Variants in TRIOBP observed in about 807,000 individuals in gnomAD.
TRIOBP encodes the protein TRIO and F-actin-binding protein.
Under a neutral mutation model 238.8 loss-of-function variants are expected in TRIOBP, and 169 were observed. That is an observed-to-expected ratio of 0.71 (90% CI 0.62 to 0.80). TRIOBP has a LOEUF of 0.80. Ranked by LOEUF, TRIOBP falls within the 30% of genes least tolerant of loss-of-function variation. The probability of loss-of-function intolerance (pLI) is 0.00; values close to 1 mark genes in which losing one functional copy is unlikely to be tolerated. For synonymous variants in TRIOBP, 1,150 were observed against 1,274.4 expected (o/e 0.90, Z 2.08); for missense variants, 2,838 against 3,122.6 (o/e 0.91, Z 2.17).
intron 17 of TRIOBP, 48 bp downstream of exon 17, chr22:37,759,312 T>A: frequency 6.4e-7 from 1 of 1,560,012 alleles, no homozygotes; most frequent in East Asian, 2.2e-5. Flanking sequence ...GATTTCTGCT[T>A]GCCGTGTTAT....
At position 37,723,228 on chromosome 22, in the gene TRIOBP, G is replaced by A; in HGVS notation, c.672G>A (p.Arg224=). The A allele has an allele frequency of 6.2e-7, 1 of 1,613,952 alleles. No homozygotes were observed. The highest frequency in any genetic ancestry group is 1.7e-4 in the Middle Eastern group (1 of 6,060). Residue 224 remains arginine, a synonymous_variant, in exon 7 of 24, where the codon AGG becomes AGA. Transcript: ENST00000644935. Reference sequence around the variant, plus strand: ...GGAGCGCAGGACAGCACTGGGCAAGGCTCCGGGGAGAAAGCGGGTTGTCCC... The same window carrying A: ...GGAGCGCAGGACAGCACTGGGCAAGACTCCGGGGAGAAAGCGGGTTGTCCC... ...GGRSAGQHWA[R]LRGESGLSLE... is the part of the protein sequence containing the mutation.
At chr22:37,743,503 AGCCGT>A (rs1394010875) in intron 11 of TRIOBP, among the ~76,000 whole-genome samples, 7 of 152,122 alleles carry the variant, frequency 4.6e-5, no homozygotes, top group Admixed American at 1.3e-4. Flanking sequence ...CATTCATTCG[AGCCGT>A]GCTTACGGAG....
chr22:37,715,149 G>A (rs1923446358), intron 5 of TRIOBP, among the ~76,000 whole-genome samples: 1 of 151,928 alleles, frequency 6.6e-6, no homozygotes, highest in Non-Finnish European at 1.5e-5. Flanking sequence ...CGAGTATCTG[G>A]GATTACAGGC....
chr22:37,747,227 A>G (rs1925329311), intron 11 of TRIOBP, among the ~76,000 whole-genome samples: 1 of 152,122 alleles, frequency 6.6e-6, no homozygotes, highest in African/African-American at 2.4e-5. Flanking sequence ...GAGTTGCCCG[A>G]GGTCACCCCA....
chr22:37,739,892 A>G (rs1274252933), intron 10 of TRIOBP, among the ~76,000 whole-genome samples: 1 of 152,188 alleles, frequency 6.6e-6, no homozygotes, highest in East Asian at 1.9e-4. Context: ...GGCCCGGCCC[A>G]TCAACGTGGA....
At chr22:37,755,221 G>A (rs1387321640) in intron 14 of TRIOBP, 31 bp downstream of exon 14, 2 of 1,599,042 alleles carry the variant, frequency 1.3e-6, no homozygotes, top group Non-Finnish European at 1.7e-6. Context: ...GGGGCTGGTG[G>A]TGGGCAGCAT....
At chr22:37,719,433 A>C (rs910656450) in intron 6 of TRIOBP, among the ~76,000 whole-genome samples, 1 of 151,916 alleles carries the variant, frequency 6.6e-6, no homozygotes, top group African/African-American at 2.4e-5. Flanking sequence ...GGGATTTGCG[A>C]GCCCTGAGGA....
At chr22:37,770,597 G>A (rs1926725270) in intron 21 of TRIOBP, among the ~76,000 whole-genome samples, 1 of 151,552 alleles carries the variant, frequency 6.6e-6, no homozygotes, top group Admixed American at 6.6e-5. Flanking sequence ...GGCTCTTCTC[G>A]AACTCCCAAC....
intron 18 of TRIOBP, among the ~76,000 whole-genome samples, chr22:37,767,324 A>G (rs1444771361): frequency 2.0e-5 from 3 of 151,734 alleles, no homozygotes; most frequent in African/African-American, 4.8e-5. Flanking sequence ...AAGAAAGAAA[A>G]AAAGGAGAGA....
rs139435527 is a variant in TRIOBP at position 37,751,807 on chromosome 22, G to A, written c.5358G>A (p.Ser1786=). ...DLLNFKKGWM[S]ILDEPGEPPS... Reference sequence around the variant, plus strand: ...TCAACTTCAAGAAGGGATGGATGTCGATCTTGGACGAGCCTGGAGAGGTAA... The same window carrying A: ...TCAACTTCAAGAAGGGATGGATGTCAATCTTGGACGAGCCTGGAGAGGTAA... The change falls in exon 12 of 24, where the codon TCG becomes TCA. Residue 1786 remains serine (S), a synonymous_variant. Transcript: ENST00000644935. 6.8e-6 allele frequency: 11 copies of A among 1,613,970 alleles called. No individual in the cohort carries two copies. The highest frequency in any genetic ancestry group is 2.7e-5 in the African/African-American group (2 of 74,900).
At chr22:37,720,632 A>G (rs569061261) in intron 6 of TRIOBP, among the ~76,000 whole-genome samples, 3 of 152,244 alleles carry the variant, frequency 2.0e-5, no homozygotes, top group African/African-American at 7.2e-5. Context: ...GGTGGCTTGG[A>G]GTAGGAAGTG....
intron 4 of TRIOBP, 72 bp from the exon 5 acceptor site, chr22:37,713,138 G>C: frequency 7.2e-7 from 1 of 1,384,324 alleles, no homozygotes; most frequent in South Asian, 1.2e-5. Flanking sequence ...GTGTGAGTGA[G>C]TGCATATGCC....
chr22:37,728,593 A>AATTGAGTTT (rs1196048939), intron 7 of TRIOBP, among the ~76,000 whole-genome samples: 6 of 152,230 alleles, frequency 3.9e-5, no homozygotes, highest in African/African-American at 1.4e-4. Context: ...TTTTAGGTTT[A>AATTGAGTTT]CAGCAAAATT....
At position 37,771,589 on chromosome 22, in the gene TRIOBP, A is replaced by G. The variant is rs771243213; in HGVS notation, c.6850-61A>G. ...GCAGAGAGAACCCGGGCTGCAGGGC[A>G]CTATGGGCCAGGGTAGCTCTGGCTT... On this transcript the variant is annotated intron_variant, in intron 21 of 23. Transcript: ENST00000644935. The G allele has an allele frequency of 5.4e-6, 8 of 1,485,306 alleles. No individual in the cohort carries two copies. In the African/African-American group the frequency reaches 1.1e-4, roughly 21 times the overall value. 92.0% of individuals were successfully genotyped at this position (1,485,306 alleles called of 1,614,324 possible).
intron 6 of TRIOBP, among the ~76,000 whole-genome samples, chr22:37,718,190 G>A (rs1427842601): frequency 3.3e-5 from 5 of 152,222 alleles, no homozygotes; most frequent in East Asian, 1.9e-4. Flanking sequence ...CACAAGCGCC[G>A]CGCGCAGCCT....
intron 17 of TRIOBP, among the ~76,000 whole-genome samples, chr22:37,763,115 T>C (rs1667668952): frequency 6.6e-6 from 1 of 152,168 alleles, no homozygotes; most frequent in African/African-American, 2.4e-5. Context: ...CTGCTGGGTC[T>C]GCCTGCCTGG....
chr22:37,771,527 T>C, intron 21 of TRIOBP, 123 bp from the exon 22 acceptor site: 4 of 841,292 alleles, frequency 4.8e-6, no homozygotes, highest in Non-Finnish European at 8.1e-6. Flanking sequence ...TGTAGAGGGT[T>C]TTTGTGCAGA....
At chr22:37,722,892 C>A (rs1376247698) in intron 6 of TRIOBP, among the ~76,000 whole-genome samples, 3 of 152,256 alleles carry the variant, frequency 2.0e-5, no homozygotes, top group Non-Finnish European at 2.9e-5. Flanking sequence ...TGCTTCTTCT[C>A]TGTCTTGTCC....
At position 37,770,300 on chromosome 22, in the gene TRIOBP, TGGTGGCGGGCGC is replaced by T. The variant is rs762902768; in HGVS notation, c.6849+935_6849+946del. On this transcript the variant is annotated intron_variant, in intron 21 of 23. Transcript: ENST00000644935. ...AAAATACAAAAAAATTACCCGGGCG[TGGTGGCGGGCGC>T]GGTGGCGGGTGCCTGTAGTCCCAGC... Among the ~76,000 whole-genome samples the T allele has an allele frequency of 3.9e-4, 57 of 146,354 alleles. 2 individuals carry two copies. In the East Asian group the frequency reaches 6.0e-3, roughly 15 times the overall value.
Sources: gnomAD v4.1 joint callset for allele counts (sites outside exome capture counted in the v4.1 genomes callset) on GRCh38, gnomAD v4.1.1 for gene constraint, MANE v1.5 for transcripts, NCBI Gene and HGNC (gene_info 2026-07-23, HGNC 2026-07-21) for gene names.